COL5A2: variants seen among roughly 807,000 people sequenced by gnomAD.
COL5A2 encodes the protein collagen alpha-2(V) chain.
A neutral mutation model predicts 208.2 loss-of-function variants in COL5A2; 23 were observed. The observed-to-expected ratio is 0.11, with a 90% CI of 0.08 to 0.16. The LOEUF is 0.16. COL5A2 is among the 10% of genes least tolerant of loss of function. The pLI is 1.00. For synonymous variants in COL5A2, 625 were observed against 628.5 expected (o/e 0.99, Z 0.08); for missense variants, 1,590 against 1,956.4 (o/e 0.81, Z 3.53).
the COL5A2 span, among the ~76,000 whole-genome samples, chr2:189,245,482 A>ATTT: frequency 1.6e-5 from 2 of 124,128 alleles, no homozygotes; most frequent in African/African-American, 6.1e-5. Flanking sequence ...TATACTCAAA[A>ATTT]TTTTTTTTTT....
the COL5A2 span, among the ~76,000 whole-genome samples, chr2:189,378,691 T>A: frequency 1.3e-5 from 2 of 148,984 alleles, no homozygotes; most frequent in Non-Finnish European, 3.0e-5. Flanking sequence ...GCCACTGCAC[T>A]CTAGCCTGGG....
At chr2:189,441,021 A>C in the COL5A2 span, among the ~76,000 whole-genome samples, 5 of 152,174 alleles carry the variant, frequency 3.3e-5, no homozygotes, top group African/African-American at 1.2e-4. Context: ...AGAGAAAGCT[A>C]CCTTTCCACC....
At chr2:189,132,649 A>G (rs192457405) in intron 1 of COL5A2, among the ~76,000 whole-genome samples, 1 of 152,292 alleles carries the variant, frequency 6.6e-6, no homozygotes, top group Non-Finnish European at 1.5e-5. Context: ...GGCTGGGTTC[A>G]GTAGCTTACG....
intron 1 of COL5A2, among the ~76,000 whole-genome samples, chr2:189,136,599 C>T (rs997635280): frequency 6.6e-6 from 1 of 150,902 alleles, no homozygotes; most frequent in Non-Finnish European, 1.5e-5. Flanking sequence ...GACATAAACA[C>T]TATGAAATTT....
At position 189,054,195 on chromosome 2, in the gene COL5A2, C is replaced by T; in HGVS notation, c.2409G>A (p.Leu803=). The change falls in exon 36 of 54, where the codon TTG becomes TTA. Residue 803 remains leucine (L), a synonymous_variant. Coordinates refer to ENST00000374866, the MANE Select transcript of COL5A2 (RefSeq NM_000393.5). ...TAGGACCTGCCGGACCTGGAGGGCC[C>T]AAAGGACCTGGAAGACCCTGTCAAT... ...NDGARGLPGP[L]GPPGPAGPTG... is the part of the protein sequence containing the mutation. The T allele has an allele frequency of 6.2e-7, 1 of 1,613,766 alleles. No individual in the cohort carries two copies. Among genetic ancestry groups the T allele is most frequent in the South Asian group, 1.1e-5 (1 of 91,070 alleles).
the COL5A2 span, among the ~76,000 whole-genome samples, chr2:189,268,601 T>C: frequency 6.6e-6 from 1 of 152,088 alleles, no homozygotes; most frequent in South Asian, 2.1e-4. Context: ...AACTGTTAAG[T>C]AGACATATAC....
chr2:189,339,350 CA>C, the COL5A2 span, among the ~76,000 whole-genome samples: 30,495 of 114,282 alleles, frequency 0.27, 3,013 homozygotes, highest in Middle Eastern at 0.3. Context: ...GACTCTGTCT[CA>C]AAAAAAAAAA....
chr2:189,326,670 G>T, the COL5A2 span, among the ~76,000 whole-genome samples: 1 of 152,004 alleles, frequency 6.6e-6, no homozygotes, highest in Non-Finnish European at 1.5e-5. Context: ...CATCCTGGGT[G>T]ACAGAGGAAG....
At chr2:189,122,662 C>A (rs898482389) in intron 1 of COL5A2, among the ~76,000 whole-genome samples, 1 of 152,116 alleles carries the variant, frequency 6.6e-6, no homozygotes, top group African/African-American at 2.4e-5. Flanking sequence ...CTGTACATTT[C>A]TTGAGAATGA....
the COL5A2 span, among the ~76,000 whole-genome samples, chr2:189,283,139 T>C: frequency 1.3e-5 from 2 of 151,748 alleles, no homozygotes; most frequent in Non-Finnish European, 2.9e-5. Flanking sequence ...TGGGGAAATA[T>C]AGTACTGAAT....
At chr2:189,159,590 G>C (rs570892480) in intron 1 of COL5A2, among the ~76,000 whole-genome samples, 2 of 152,270 alleles carry the variant, frequency 1.3e-5, no homozygotes, top group East Asian at 3.9e-4. Flanking sequence ...TTCAACTCCA[G>C]ATTCCAGCTA....
the COL5A2 span, among the ~76,000 whole-genome samples, chr2:189,339,410 G>A: frequency 6.6e-6 from 1 of 151,150 alleles, no homozygotes; most frequent in African/African-American, 2.4e-5. Flanking sequence ...TTGGAAAACT[G>A]AGCCTACAAA....
the COL5A2 span, among the ~76,000 whole-genome samples, chr2:189,315,326 G>A: frequency 3.3e-5 from 5 of 152,028 alleles, no homozygotes; most frequent in Non-Finnish European, 7.4e-5. Context: ...AGAACTGAAG[G>A]CAAAAACCAC....
chr2:189,275,416 A>T, the COL5A2 span, among the ~76,000 whole-genome samples: 2 of 150,478 alleles, frequency 1.3e-5, no homozygotes, highest in Non-Finnish European at 1.5e-5. Flanking sequence ...AAAAATTGAA[A>T]CATGGAGTAT....
chr2:189,254,303 A>T, the COL5A2 span, among the ~76,000 whole-genome samples: 1 of 152,210 alleles, frequency 6.6e-6, no homozygotes, highest in African/African-American at 2.4e-5. Context: ...ATTGAGTCAC[A>T]TCACATTTCA....
chr2:189,047,888 AT>A (rs1258237928), intron 45 of COL5A2, among the ~76,000 whole-genome samples: 1 of 152,224 alleles, frequency 6.6e-6, no homozygotes, highest in Admixed American at 6.5e-5. Context: ...ACACAGCACT[AT>A]TTTGGCTTTC....
chr2:189,333,061 TCA>T, the COL5A2 span, among the ~76,000 whole-genome samples: 1 of 152,122 alleles, frequency 6.6e-6, no homozygotes. Context: ...AAAGCATATC[TCA>T]CAGCAAAATT....
the COL5A2 span, among the ~76,000 whole-genome samples, chr2:189,267,213 T>A: frequency 6.6e-6 from 1 of 152,124 alleles, no homozygotes; most frequent in South Asian, 2.1e-4. Context: ...AGACACACAT[T>A]GCCTGCATCC....
intron 29 of COL5A2, among the ~76,000 whole-genome samples, chr2:189,061,981 T>G (rs1213911023): frequency 6.6e-6 from 1 of 152,116 alleles, no homozygotes; most frequent in Non-Finnish European, 1.5e-5. Flanking sequence ...CTGAATGTCT[T>G]AAGAATTATT....
Sources: gnomAD v4.1 joint callset for allele counts (sites outside exome capture counted in the v4.1 genomes callset) on GRCh38, gnomAD v4.1.1 for gene constraint, MANE v1.5 for transcripts, NCBI Gene and HGNC (gene_info 2026-07-23, HGNC 2026-07-21) for gene names.